The following TCF20 variants were observed in gnomAD, a reference collection of about 807,000 sequenced individuals.
TCF20 encodes transcription factor 20.
TCF20 carries 3 observed loss-of-function variants against 148.6 expected under a neutral mutation model. That is an observed-to-expected ratio of 0.02 (90% CI 0.01 to 0.05). The LOEUF (loss-of-function observed/expected upper bound fraction) is 0.05. Ranked by LOEUF, TCF20 falls within the 10% of genes least tolerant of loss-of-function variation. The pLI is 1.00. For missense variants in TCF20, 2,350 were observed against 2,429.3 expected, an observed-to-expected ratio of 0.97 and a Z score of 0.69; for synonymous variants, 1,049 against 909.5, an observed-to-expected ratio of 1.15 and a Z score of -2.76.
At chr22:42,164,723 G>A (rs914700989) in intron 5 of TCF20, among the ~76,000 whole-genome samples, 2 of 152,220 alleles carry the variant, frequency 1.3e-5, no homozygotes, top group Non-Finnish European at 2.9e-5. Flanking sequence ...GCGAGGAGGG[G>A]GGCAATGGAG....
intron 1 of TCF20, among the ~76,000 whole-genome samples, chr22:42,244,665 A>G (rs978530113): frequency 2.0e-5 from 3 of 152,212 alleles, no homozygotes; most frequent in Non-Finnish European, 2.9e-5. Flanking sequence ...CTTAATGGGT[A>G]GCAGGTTTAC....
At chr22:42,243,273 G>T (rs1020028083) in intron 1 of TCF20, among the ~76,000 whole-genome samples, 26 of 110,816 alleles carry the variant, frequency 2.3e-4, no homozygotes, top group Non-Finnish European at 3.5e-4. Flanking sequence ...GCACTGGCTG[G>T]CAGAGCAAGA....
chr22:42,332,269 G>A (rs571365210), intron 1 of TCF20, among the ~76,000 whole-genome samples: 13 of 152,176 alleles, frequency 8.5e-5, no homozygotes, highest in African/African-American at 1.2e-4. Flanking sequence ...TTGGGAGGTC[G>A]GAACAGCAAG....
At chr22:42,224,298 C>T (rs1022464979) in intron 1 of TCF20, among the ~76,000 whole-genome samples, 3 of 151,800 alleles carry the variant, frequency 2.0e-5, no homozygotes, top group Admixed American at 2.0e-4. Context: ...AGTGAAACCC[C>T]GTCTCTACTA....
In TCF20 at chr22:42,324,370, T is replaced by C. The variant is rs1927830837; in HGVS notation, c.-37+19109A>G. Among the ~76,000 whole-genome samples the C allele has an allele frequency of 2.0e-5, 3 of 151,892 alleles. No homozygotes were observed. In the South Asian group the frequency reaches 6.2e-4, roughly 32 times the overall value. ...TAGGCCTGATAAGACTTGAGAGAAATGGAAACTGGGAGACAAACAGAAGTA... is the reference window on the plus strand; with the variant it reads ...TAGGCCTGATAAGACTTGAGAGAAACGGAAACTGGGAGACAAACAGAAGTA... On this transcript the variant is annotated intron_variant, in intron 1 of 1. Coordinates refer to the TCF20 transcript ENST00000515426.
chr22:42,215,184 A>G lies in TCF20; in HGVS notation c.122T>C (p.Phe41Ser), dbSNP rs375793244. The G allele has an allele frequency of 1.9e-5, 31 of 1,613,946 alleles. No homozygotes were observed. The highest frequency in any genetic ancestry group is 1.7e-5 in the Admixed American group (1 of 59,998). ...GCCACTACTGCCACCTGTACCTCCA[A>G]AATTCTGGAACATCTGGGCCTGACG... ...SPRQAQMFQN[F>S]GGTGGSSGSS... The change falls in exon 2 of 6, where the codon TTT becomes TCT. Residue 41 changes from phenylalanine (F) to serine (S), a missense_variant. Around this residue, in one of 7 missense-constraint regions of TCF20, gnomAD observed 1,641 missense variants for 1,662.6 expected, o/e 0.99. Coordinates refer to ENST00000677622, the MANE Select transcript of TCF20 (RefSeq NM_001378418.1).
At chr22:42,176,409 T>C (rs1266629557) in intron 3 of TCF20, among the ~76,000 whole-genome samples, 1 of 152,154 alleles carries the variant, frequency 6.6e-6, no homozygotes, top group South Asian at 2.1e-4. Flanking sequence ...TGAGACCTGA[T>C]CCAAGTCTGT....
chr22:42,326,785 G>C (rs1440577322), intron 1 of TCF20, among the ~76,000 whole-genome samples: 2 of 152,244 alleles, frequency 1.3e-5, no homozygotes, highest in African/African-American at 4.8e-5. Context: ...CACCAGAGCA[G>C]CATCAACCTT....
chr22:42,313,597 C>CTTTTTTT (rs551146210), intron 1 of TCF20, among the ~76,000 whole-genome samples: 4 of 120,310 alleles, frequency 3.3e-5, no homozygotes, highest in Admixed American at 8.9e-5. Context: ...AGAATTCTTT[C>CTTTTTTT]TTTTTTTTTT....
At chr22:42,323,893 A>ATGGTGGTGGTGG (rs1353542732) in intron 1 of TCF20, among the ~76,000 whole-genome samples, 1 of 32,160 alleles carries the variant, frequency 3.1e-5, no homozygotes, top group South Asian at 1.0e-3. Context: ...GATGGAGGTT[A>ATGGTGGTGGTGG]TGGTGGTGGA....
chr22:42,174,582 AACTTAAT>A (rs1236401536), intron 3 of TCF20, among the ~76,000 whole-genome samples: 1 of 152,174 alleles, frequency 6.6e-6, no homozygotes, highest in African/African-American at 2.4e-5. Context: ...ACCATAAAAA[AACTTAAT>A]ACTTAAAAAT....
chr22:42,250,612 C>T (rs1317634411), intron 1 of TCF20, among the ~76,000 whole-genome samples: 1 of 152,132 alleles, frequency 6.6e-6, no homozygotes, highest in South Asian at 2.1e-4. Flanking sequence ...CTAGTTTGTC[C>T]ATCATGGTAT....
Position 42,214,566 on chromosome 22 carries a change from AAGGAGG to A in TCF20, c.734_739del (p.Ser245_Ser246del), listed in dbSNP as rs754279263. On this transcript the variant is annotated inframe_deletion, in exon 2 of 6. Coordinates refer to ENST00000677622, the MANE Select transcript of TCF20 (RefSeq NM_001378418.1). ...CTGGCTAAAACGCTGTGGTGAAGGG[AAGGAGG>A]AGGAGGAGGAGGAGGAAGCAGAAGA... is the stretch of plus-strand genomic sequence containing the variant. The A allele has an allele frequency of 4.2e-5, 67 of 1,613,458 alleles. No homozygotes were observed. The highest frequency in any genetic ancestry group is 5.6e-5 in the Non-Finnish European group (66 of 1,179,794).
At chr22:42,324,205 A>ATGGTGG (rs200276389) in intron 1 of TCF20, among the ~76,000 whole-genome samples, 1 of 122,444 alleles carries the variant, frequency 8.2e-6, no homozygotes, top group African/African-American at 3.0e-5. Flanking sequence ...GGTGGAGGTT[A>ATGGTGG]TGGTGGAGGT....
chr22:42,161,946 C>T (rs942978281), intron 5 of TCF20, among the ~76,000 whole-genome samples: 5 of 149,766 alleles, frequency 3.3e-5, no homozygotes, highest in South Asian at 2.1e-4. Flanking sequence ...TACAGGTACA[C>T]GCCACCATGC....
intron 2 of TCF20, among the ~76,000 whole-genome samples, chr22:42,195,885 G>A (rs1298782778): frequency 2.6e-5 from 4 of 152,122 alleles, no homozygotes; most frequent in Admixed American, 2.6e-4. Flanking sequence ...GCTTCTACGT[G>A]TCTCTTAAAG....
intron 1 of TCF20, among the ~76,000 whole-genome samples, chr22:42,307,099 C>A (rs1176963752): frequency 6.6e-6 from 1 of 151,726 alleles, no homozygotes; most frequent in Non-Finnish European, 1.5e-5. Flanking sequence ...GGGCACCAAC[C>A]CGAGCCATCT....
At chr22:42,227,736 C>T (rs527416333) in intron 1 of TCF20, among the ~76,000 whole-genome samples, 1 of 152,216 alleles carries the variant, frequency 6.6e-6, no homozygotes, top group Non-Finnish European at 1.5e-5. Flanking sequence ...TGCAGGATAA[C>T]CCTCAATCTG....
intron 2 of TCF20, among the ~76,000 whole-genome samples, chr22:42,187,161 A>C (rs1263953522): frequency 1.3e-5 from 2 of 152,090 alleles, no homozygotes; most frequent in Non-Finnish European, 2.9e-5. Context: ...TGCCATGTGG[A>C]TCTTAGGTCC....
Sources: gnomAD v4.1 joint callset for allele counts (sites outside exome capture counted in the v4.1 genomes callset) on GRCh38, gnomAD v4.1.1 for gene constraint, gnomAD v4.1.1 regional missense constraint, MANE v1.5 for transcripts, NCBI Gene and HGNC (gene_info 2026-07-23, HGNC 2026-07-21) for gene names.